CNTN5: variants seen among roughly 807,000 people sequenced by gnomAD.
CNTN5 encodes contactin-5.
Under a neutral mutation model 129.1 loss-of-function variants are expected in CNTN5, and 77 were observed. That is an observed-to-expected ratio of 0.60 (90% confidence interval 0.50 to 0.72). The LOEUF is 0.72. Ranked by LOEUF, CNTN5 falls within the 30% of genes least tolerant of loss-of-function variation. The probability of loss-of-function intolerance (pLI) is 0.00; values close to 1 mark genes in which losing one functional copy is unlikely to be tolerated. For synonymous variants in CNTN5, 509 were observed against 465.6 expected (o/e 1.09, Z -1.20); for missense variants, 1,478 against 1,328.8 (o/e 1.11, Z -1.75).
intron 2 of CNTN5, among the ~76,000 whole-genome samples, chr11:99,432,543 A>G (rs1943431803): frequency 8.0e-6 from 1 of 125,724 alleles, no homozygotes; most frequent in African/African-American, 3.0e-5. Context: ...TTAGGGGCGA[A>G]TGGGGTAGTA....
intron 1 of CNTN5, among the ~76,000 whole-genome samples, chr11:99,165,348 T>C (rs909900286): frequency 2.0e-5 from 3 of 152,200 alleles, no homozygotes; most frequent in Non-Finnish European, 4.4e-5. Context: ...GTCTAATTAT[T>C]AGGTACAACC....
intron 1 of CNTN5, among the ~76,000 whole-genome samples, chr11:99,322,209 C>T (rs1042365547): frequency 1.3e-5 from 2 of 152,230 alleles, no homozygotes; most frequent in African/African-American, 4.8e-5. Context: ...TGAGGCCTTT[C>T]CCCCAGCTTG....
intron 18 of CNTN5, among the ~76,000 whole-genome samples, chr11:100,292,131 C>G (rs909143081): frequency 3.3e-5 from 5 of 152,022 alleles, no homozygotes; most frequent in African/African-American, 4.8e-5. Flanking sequence ...TCTGTCTTTT[C>G]TTTCTTCTTT....
At chr11:99,940,458 TG>T (rs1950410322) in intron 7 of CNTN5, among the ~76,000 whole-genome samples, 1 of 152,172 alleles carries the variant, frequency 6.6e-6, no homozygotes, top group South Asian at 2.1e-4. Flanking sequence ...AACATTTAAA[TG>T]GCCACATAAA....
At chr11:99,507,203 C>G (rs560696373) in intron 2 of CNTN5, among the ~76,000 whole-genome samples, 15 of 151,930 alleles carry the variant, frequency 9.9e-5, no homozygotes, top group Non-Finnish European at 1.2e-4. Context: ...TGGTGAAACT[C>G]TCTTCTACAC....
intron 18 of CNTN5, among the ~76,000 whole-genome samples, chr11:100,280,288 G>C (rs1950607450): frequency 6.6e-6 from 1 of 151,912 alleles, no homozygotes; most frequent in African/African-American, 2.4e-5. Flanking sequence ...AAAGTCTCCA[G>C]CTATTATTGC....
intron 3 of CNTN5, among the ~76,000 whole-genome samples, chr11:99,754,017 AAAAC>A (rs1371975313): frequency 1.3e-5 from 2 of 151,940 alleles, no homozygotes; most frequent in Non-Finnish European, 2.9e-5. Context: ...CAACAACAAA[AAAAC>A]AAAAAAACAC....
At chr11:100,315,824 G>T (rs1469002625) in intron 21 of CNTN5, among the ~76,000 whole-genome samples, 2 of 152,148 alleles carry the variant, frequency 1.3e-5, no homozygotes, top group African/African-American at 2.4e-5. Flanking sequence ...GCATTAGCTT[G>T]AAATTTTATG....
At chr11:99,530,543 G>A (rs1352021871) in intron 2 of CNTN5, among the ~76,000 whole-genome samples, 1 of 152,172 alleles carries the variant, frequency 6.6e-6, no homozygotes, top group Non-Finnish European at 1.5e-5. Context: ...GGTGGGAAGT[G>A]AGCATTAAAG....
At chr11:99,752,896 T>C (rs1164828127) in intron 3 of CNTN5, among the ~76,000 whole-genome samples, 7 of 152,142 alleles carry the variant, frequency 4.6e-5, no homozygotes, top group Non-Finnish European at 8.8e-5. Flanking sequence ...ACAGGAAGAA[T>C]AGAATATACA....
chr11:100,012,044 G>A (rs1940563805), intron 9 of CNTN5, among the ~76,000 whole-genome samples: 1 of 152,152 alleles, frequency 6.6e-6, no homozygotes, highest in Admixed American at 6.6e-5. Flanking sequence ...TGTGGTATTT[G>A]TCTATCAAAC....
chr11:99,464,139 A>G (rs913121387), intron 2 of CNTN5, among the ~76,000 whole-genome samples: 1 of 152,232 alleles, frequency 6.6e-6, no homozygotes. Context: ...CTTATCCAGC[A>G]TAAGTGTGCT....
chr11:100,132,796 T>G (rs1946415626), intron 13 of CNTN5, among the ~76,000 whole-genome samples: 1 of 151,964 alleles, frequency 6.6e-6, no homozygotes. Context: ...AGACCACCAT[T>G]TTGCAAAAAA....
chr11:99,513,658 T>C (rs1946928855), intron 2 of CNTN5, among the ~76,000 whole-genome samples: 2 of 152,028 alleles, frequency 1.3e-5, no homozygotes, highest in Non-Finnish European at 2.9e-5. Context: ...ACAAAAAAGC[T>C]TGAATGACAG....
At chr11:99,194,349 TA>T (rs1266253566) in intron 1 of CNTN5, among the ~76,000 whole-genome samples, 3 of 152,034 alleles carry the variant, frequency 2.0e-5, no homozygotes, top group African/African-American at 4.8e-5. Context: ...ATAAAAACCT[TA>T]AAACTGTGAG....
intron 3 of CNTN5, among the ~76,000 whole-genome samples, chr11:99,580,724 C>A (rs1282702431): frequency 6.7e-6 from 1 of 149,790 alleles, no homozygotes; most frequent in African/African-American, 2.5e-5. Context: ...TCTCTCTTTT[C>A]TTCTTTATTA....
chr11:99,080,525 G>A (rs539034764), intron 1 of CNTN5, among the ~76,000 whole-genome samples: 1 of 152,288 alleles, frequency 6.6e-6, no homozygotes, highest in South Asian at 2.1e-4. Context: ...CATCCTATCA[G>A]CAGAAGAGAA....
intron 1 of CNTN5, among the ~76,000 whole-genome samples, chr11:99,127,876 A>C (rs2135424694): frequency 6.6e-6 from 1 of 152,260 alleles, no homozygotes; most frequent in South Asian, 2.1e-4. Flanking sequence ...AAGATTCAAT[A>C]ATTTCATTCT....
rs867423896 is a variant in CNTN5 at position 99,274,730 on chromosome 11, C to T, written c.-209-50616C>T. Reference sequence around the variant, plus strand: ...TTGTGTGTTCTAATTCCAGCTCTGACACTTCGTAGCTTTGAGACCTAAAAA... The same window carrying T: ...TTGTGTGTTCTAATTCCAGCTCTGATACTTCGTAGCTTTGAGACCTAAAAA... On this transcript the variant is annotated intron_variant, in intron 1 of 24. Transcript: ENST00000524871. Among the ~76,000 whole-genome samples, 65 of 151,470 alleles carry T rather than the reference C, an allele frequency of 4.3e-4. No homozygotes were observed. The Middle Eastern group carries it at 0.017, about 40-fold the overall frequency.
Sources: gnomAD v4.1 joint callset for allele counts (sites outside exome capture counted in the v4.1 genomes callset) on GRCh38, gnomAD v4.1.1 for gene constraint, MANE v1.5 for transcripts, NCBI Gene and HGNC (gene_info 2026-07-23, HGNC 2026-07-21) for gene names.